The following TENM4 variants were observed in gnomAD, a reference collection of about 807,000 sequenced individuals.
The protein encoded by TENM4 is teneurin transmembrane protein 4.
In TENM4, 82 loss-of-function variants were observed where a neutral mutation model predicts 243.3. That is an observed-to-expected ratio of 0.34 (90% confidence interval 0.28 to 0.40). TENM4 has a LOEUF of 0.40. TENM4 is among the 10% of genes least tolerant of loss of function. The probability of loss-of-function intolerance (pLI) is 1.00; values close to 1 mark genes in which losing one functional copy is unlikely to be tolerated. For missense variants in TENM4, 3,138 were observed against 3,673.3 expected, an observed-to-expected ratio of 0.85 and a Z score of 3.77; for synonymous variants, 1,412 against 1,456.3, an observed-to-expected ratio of 0.97 and a Z score of 0.69.
chr11:79,166,009 C>T (rs1295694173), intron 3 of TENM4, among the ~76,000 whole-genome samples: 1 of 152,060 alleles, frequency 6.6e-6, no homozygotes, highest in Non-Finnish European at 1.5e-5. Context: ...TGAGGCCTGC[C>T]TAACTTTTTC....
intron 6 of TENM4, among the ~76,000 whole-genome samples, chr11:78,952,115 AT>A (rs1274311031): frequency 1.3e-5 from 2 of 152,140 alleles, no homozygotes; most frequent in African/African-American, 4.8e-5. Context: ...TCTATCCTCC[AT>A]GGACCCTGGC....
intron 1 of TENM4, among the ~76,000 whole-genome samples, chr11:79,420,056 C>T (rs999011199): frequency 8.5e-5 from 13 of 152,078 alleles, no homozygotes; most frequent in Admixed American, 8.5e-4. Flanking sequence ...ATTTTGAATC[C>T]AACCCACTGT....
chr11:79,332,729 A>G (rs188905180), intron 1 of TENM4, among the ~76,000 whole-genome samples: 1 of 152,234 alleles, frequency 6.6e-6, no homozygotes, highest in Non-Finnish European at 1.5e-5. Context: ...ATGAATGATC[A>G]TTACAAATTA....
intron 1 of TENM4, among the ~76,000 whole-genome samples, chr11:79,375,710 C>A (rs1857877731): frequency 6.6e-6 from 1 of 152,126 alleles, no homozygotes; most frequent in Non-Finnish European, 1.5e-5. Context: ...TTAAGACATA[C>A]ACATATTTAA....
At chr11:78,718,878 C>G (rs892980464) in intron 25 of TENM4, among the ~76,000 whole-genome samples, 2 of 152,132 alleles carry the variant, frequency 1.3e-5, no homozygotes, top group South Asian at 4.1e-4. Flanking sequence ...AATAAATAAT[C>G]ACATATATGT....
At chr11:78,862,880 T>C (rs1679369377) in intron 10 of TENM4, 82 bp downstream of exon 10, 3 of 1,271,904 alleles carry the variant, frequency 2.4e-6, no homozygotes, top group Non-Finnish European at 3.0e-6. Context: ...GCCAGGCACA[T>C]GATGCACGCA....
intron 2 of TENM4, among the ~76,000 whole-genome samples, chr11:79,257,439 G>T (rs1855718809): frequency 6.6e-6 from 1 of 152,142 alleles, no homozygotes; most frequent in Non-Finnish European, 1.5e-5. Context: ...CAAGGCTGTG[G>T]TGCAAATGTC....
chr11:78,797,294 C>T (rs535970096), intron 15 of TENM4, among the ~76,000 whole-genome samples: 11 of 152,248 alleles, frequency 7.2e-5, no homozygotes, highest in East Asian at 1.9e-4. Context: ...TCATGAAGCA[C>T]GTACATGAAG....
At chr11:79,277,412 C>T (rs1261635444) in intron 2 of TENM4, among the ~76,000 whole-genome samples, 29 of 152,286 alleles carry the variant, frequency 1.9e-4, no homozygotes, top group Non-Finnish European at 1.0e-4. Flanking sequence ...AGAATTATCC[C>T]TATTTTACAG....
intron 29 of TENM4, among the ~76,000 whole-genome samples, chr11:78,686,401 G>T (rs1334423213): frequency 6.6e-6 from 1 of 152,196 alleles, no homozygotes; most frequent in Non-Finnish European, 1.5e-5. Context: ...ACTGGTAAAT[G>T]TAAGTATTTC....
At chr11:79,329,534 G>A (rs1447818742) in intron 1 of TENM4, among the ~76,000 whole-genome samples, 1 of 152,186 alleles carries the variant, frequency 6.6e-6, no homozygotes, top group Non-Finnish European at 1.5e-5. Flanking sequence ...AAGTAGACAG[G>A]AGGACTTGTC....
At chr11:79,371,192 T>C (rs1857778073) in intron 1 of TENM4, among the ~76,000 whole-genome samples, 1 of 152,342 alleles carries the variant, frequency 6.6e-6, no homozygotes, top group Non-Finnish European at 1.5e-5. Context: ...GGTGGCTTCA[T>C]GTCAGTGTGA....
At chr11:79,295,216 C>T (rs912608512) in intron 2 of TENM4, among the ~76,000 whole-genome samples, 1 of 152,180 alleles carries the variant, frequency 6.6e-6, no homozygotes, top group Non-Finnish European at 1.5e-5. Context: ...CTAAGCCTAC[C>T]TTTCTTCCTG....
At chr11:78,945,882 G>T (rs1457505510) in intron 6 of TENM4, among the ~76,000 whole-genome samples, 1 of 152,200 alleles carries the variant, frequency 6.6e-6, no homozygotes, top group Non-Finnish European at 1.5e-5. Context: ...ATTCTGTGAA[G>T]TCTGAGAGAG....
intron 4 of TENM4, among the ~76,000 whole-genome samples, chr11:79,111,832 AG>A (rs1462513081): frequency 6.6e-6 from 1 of 152,084 alleles, no homozygotes; most frequent in Non-Finnish European, 1.5e-5. Context: ...AGGAGGTGGG[AG>A]GGGGGTGGTC....
intron 29 of TENM4, 59 bp from the exon 30 acceptor site, chr11:78,676,446 G>C (rs1858480958): frequency 7.1e-7 from 1 of 1,407,612 alleles, no homozygotes. Flanking sequence ...GGAGGTGTGA[G>C]GACAGCAGAG....
rs1386403026 is a variant in TENM4, at chr11:78,657,005, T to G, written c.*1053A>C. ...CTACGTCTCAGTGGTGGCGGCTGAG[T>G]GGTGGAGGGAAGATACTCAAAGTCA... On this transcript the variant is annotated 3_prime_UTR_variant, in exon 34 of 34. Transcript: ENST00000278550. 2.5e-6 allele frequency: 1 copy of G among 398,104 alleles called. No homozygotes were observed. The highest frequency in any genetic ancestry group is 2.1e-5 in the African/African-American group (1 of 48,566). 24.7% of individuals were successfully genotyped at this position (398,104 alleles called of 1,614,324 possible). A position where few individuals can be genotyped will look rare whatever the true frequency, so the allele number is the denominator to read the frequency against.
intron 32 of TENM4, among the ~76,000 whole-genome samples, chr11:78,665,778 A>G (rs1392674244): frequency 6.6e-6 from 1 of 152,226 alleles, no homozygotes; most frequent in Non-Finnish European, 1.5e-5. Context: ...AAGTGAAGAT[A>G]GAGTGCAATG....
chr11:79,123,301 C>T (rs1423359322), intron 4 of TENM4, among the ~76,000 whole-genome samples: 1 of 152,156 alleles, frequency 6.6e-6, no homozygotes, highest in African/African-American at 2.4e-5. Context: ...GCCCATTTTA[C>T]AGCTGAAAAT....
Sources: gnomAD v4.1 joint callset for allele counts (sites outside exome capture counted in the v4.1 genomes callset) on GRCh38, gnomAD v4.1.1 for gene constraint, MANE v1.5 for transcripts, NCBI Gene and HGNC (gene_info 2026-07-23, HGNC 2026-07-21) for gene names.